Variants in SIPA1L1 observed in about 807,000 individuals in gnomAD.
SIPA1L1 encodes the protein signal-induced proliferation-associated 1-like protein 1.
SIPA1L1 carries 26 observed loss-of-function variants against 162.7 expected under a neutral mutation model. The ratio of observed to expected loss-of-function variants is 0.16; its 90% CI spans 0.12 to 0.22. SIPA1L1 has a LOEUF of 0.22. SIPA1L1 is among the 10% of genes least tolerant of loss of function. SIPA1L1 has a pLI of 1.00. For synonymous variants in SIPA1L1, 829 were observed against 837.4 expected, an observed-to-expected ratio of 0.99 and a Z score of 0.17; for missense variants, 1,874 against 2,241.0, an observed-to-expected ratio of 0.84 and a Z score of 3.31.
chr14:71,702,408 C>T lies in SIPA1L1; in HGVS notation c.3549C>T (p.Ala1183=). 1 of 1,614,154 alleles carries T rather than the reference C, an allele frequency of 6.2e-7. No individual in the cohort carries two copies. The highest frequency in any genetic ancestry group is 8.5e-7 in the Non-Finnish European group (1 of 1,179,982). Residue 1183 remains alanine (A), a synonymous_variant, in exon 15 of 24, where the codon GCC becomes GCT. Transcript: ENST00000381232. ...TTGGAGTGAGCCGTAGATCCCCAGC[C>T]TCCATTGACAGGCAGAACACCCAGT... ...EGFGVSRRSP[A]SIDRQNTQSD... is the part of the protein sequence containing the mutation.
chr14:71,590,041 AAAAATATAT>A (rs1344448880), intron 5 of SIPA1L1, among the ~76,000 whole-genome samples: 85 of 69,160 alleles, frequency 1.2e-3, no homozygotes, highest in South Asian at 3.3e-3. Context: ...AAAAAAAAAA[AAAAATATAT>A]ATATATATAT....
intron 2 of SIPA1L1, among the ~76,000 whole-genome samples, chr14:71,345,970 C>T (rs543954017): frequency 9.9e-5 from 15 of 152,136 alleles, no homozygotes; most frequent in Middle Eastern, 3.4e-3. Flanking sequence ...TGCAGTGGCA[C>T]GATCTTCGCT....
At chr14:71,409,229 G>C (rs924746619) in intron 2 of SIPA1L1, among the ~76,000 whole-genome samples, 1 of 152,166 alleles carries the variant, frequency 6.6e-6, no homozygotes, top group Non-Finnish European at 1.5e-5. Flanking sequence ...TCGGAACCAG[G>C]TGAGTGTAGA....
intron 3 of SIPA1L1, among the ~76,000 whole-genome samples, chr14:71,523,386 G>A (rs1414319303): frequency 6.8e-6 from 1 of 148,118 alleles, no homozygotes; most frequent in African/African-American, 2.5e-5. Context: ...TAATCTCAGA[G>A]TTTAAAAAAA....
rs955856481 is a variant in SIPA1L1 at position 71,393,417 on chromosome 14, C to T, written c.-465+72236C>T. Among the ~76,000 whole-genome samples the T allele has an allele frequency of 5.3e-5, 8 of 152,244 alleles. No individual in the cohort carries two copies. The Middle Eastern group carries it at 0.014, about 259-fold the overall frequency. ...GTGTACACTATGGACAACTAAAGAA[C>T]AGATTGTGTTCTGATATGGTGTGGA... On this transcript the variant is annotated intron_variant, in intron 2 of 23. Coordinates refer to ENST00000381232, the MANE Select transcript of SIPA1L1 (RefSeq NM_001386936.1).
intron 10 of SIPA1L1, among the ~76,000 whole-genome samples, chr14:71,662,933 G>T (rs2043660937): frequency 6.6e-6 from 1 of 152,208 alleles, no homozygotes. Context: ...TCATGCAAAG[G>T]ATTTCATACC....
intron 5 of SIPA1L1, among the ~76,000 whole-genome samples, chr14:71,609,834 C>T (rs1344263476): frequency 1.3e-5 from 2 of 152,070 alleles, no homozygotes; most frequent in African/African-American, 4.8e-5. Flanking sequence ...TCAAGCAGTC[C>T]TCCTACCTTG....
chr14:71,386,079 C>T (rs977395838), intron 2 of SIPA1L1, among the ~76,000 whole-genome samples: 20 of 152,240 alleles, frequency 1.3e-4, no homozygotes, highest in African/African-American at 4.3e-4. Context: ...TTAATGGCCA[C>T]GTGTGACTAC....
At chr14:71,500,987 CAA>C (rs1375891872) in intron 2 of SIPA1L1, among the ~76,000 whole-genome samples, 1 of 152,080 alleles carries the variant, frequency 6.6e-6, no homozygotes, top group East Asian at 1.9e-4. Context: ...TCCTGGGCAA[CAA>C]GAGCGAAACT....
chr14:71,381,123 G>T (rs2039858657), intron 2 of SIPA1L1, among the ~76,000 whole-genome samples: 2 of 152,132 alleles, frequency 1.3e-5, no homozygotes, highest in South Asian at 4.1e-4. Flanking sequence ...CGTGATCTTG[G>T]CTCACTGCAA....
At chr14:71,486,280 G>A (rs572519572) in intron 2 of SIPA1L1, among the ~76,000 whole-genome samples, 13 of 152,364 alleles carry the variant, frequency 8.5e-5, no homozygotes, top group African/African-American at 3.1e-4. Flanking sequence ...TCGATTTTCT[G>A]TGGGGAAACC....
At chr14:71,553,897 A>G (rs1165412611) in intron 4 of SIPA1L1, among the ~76,000 whole-genome samples, 2 of 152,196 alleles carry the variant, frequency 1.3e-5, no homozygotes, top group Non-Finnish European at 2.9e-5. Context: ...TGTTTTGTAT[A>G]AAGTAACTAG....
Position 71,547,115 on chromosome 14 carries a change from G to A in SIPA1L1, c.-303+17745G>A, listed in dbSNP as rs372553217. 3.2e-4 allele frequency among the ~76,000 whole-genome samples: 49 copies of A among 151,830 alleles called. No homozygotes were observed. In the South Asian group the frequency reaches 5.0e-3, roughly 16 times the overall value. On this transcript the variant is annotated intron_variant, in intron 4 of 23. Transcript: ENST00000381232. ...TCCCCTAATAGCTCTTTAGCTCTTG[G>A]TGGTAGTAACTTGTTTGTCCTGATT... is the stretch of plus-strand genomic sequence containing the variant.
intron 2 of SIPA1L1, among the ~76,000 whole-genome samples, chr14:71,397,931 T>G (rs1403697288): frequency 6.6e-6 from 1 of 151,578 alleles, no homozygotes. Flanking sequence ...TTATAAGATG[T>G]GACAAATTCC....
At chr14:71,376,047 T>TTTTA (rs1230901903) in intron 2 of SIPA1L1, among the ~76,000 whole-genome samples, 1 of 152,178 alleles carries the variant, frequency 6.6e-6, no homozygotes, top group African/African-American at 2.4e-5. Flanking sequence ...TATGCTATCC[T>TTTTA]TATAAAATGA....
At chr14:71,721,615 A>T (rs1273557980) in intron 17 of SIPA1L1, among the ~76,000 whole-genome samples, 1 of 152,090 alleles carries the variant, frequency 6.6e-6, no homozygotes, top group African/African-American at 2.4e-5. Flanking sequence ...CACCTGCTTT[A>T]TTTTCCTGTG....
intron 2 of SIPA1L1, among the ~76,000 whole-genome samples, chr14:71,425,842 GT>G (rs35517455): frequency 0.18 from 27,903 of 151,910 alleles, 3,033 homozygotes; most frequent in Middle Eastern, 0.37. Context: ...TCTCTCTTTG[GT>G]TTTATTTTAG....
At chr14:71,674,560 G>GTT (rs1166044265) in intron 12 of SIPA1L1, among the ~76,000 whole-genome samples, 12 of 130,602 alleles carry the variant, frequency 9.2e-5, no homozygotes, top group African/African-American at 3.5e-4. Flanking sequence ...TTTTTTTTTT[G>GTT]TTTTTTTTTG....
chr14:71,588,588 C>A lies in SIPA1L1; in HGVS notation c.716C>A (p.Thr239Asn). 1 of 1,614,082 alleles carries A rather than the reference C, an allele frequency of 6.2e-7. No individual in the cohort carries two copies. Among genetic ancestry groups the A allele is most frequent in the Non-Finnish European group, 8.5e-7 (1 of 1,179,986 alleles). Residue 239 changes from threonine (T) to asparagine (N), a missense_variant, in exon 5 of 24, where the codon ACT becomes AAT. Thr to Asn is a moderately conservative substitution (Grantham distance 65, BLOSUM62 0). Coordinates refer to ENST00000381232, the MANE Select transcript of SIPA1L1 (RefSeq NM_001386936.1). The surrounding 1 kb of genome is among the most constrained non-coding windows in gnomAD (Gnocchi z 4.3). ...GATGACAAATCTGATCGAGGTCCAACTCCAACCAAGCTCAGTGACTTTCTC... is the reference window on the plus strand; with the variant it reads ...GATGACAAATCTGATCGAGGTCCAAATCCAACCAAGCTCAGTGACTTTCTC... ...YKDDKSDRGP[T>N]PTKLSDFLIT...
Sources: allele counts gnomAD v4.1 joint callset (sites outside exome capture counted in the v4.1 genomes callset), GRCh38; gene constraint gnomAD v4.1.1; non-coding constraint Gnocchi (gnomAD v3.1); transcripts MANE v1.5; gene names NCBI Gene and HGNC (gene_info 2026-07-23, HGNC 2026-07-21).